The following ANK3 variants were observed in gnomAD, a reference collection of about 807,000 sequenced individuals.
ANK3 encodes the protein ankyrin 3, also known as ankyrin-3.
In ANK3, 57 loss-of-function variants were observed where a neutral mutation model predicts 370.9. The observed-to-expected ratio is 0.15, with a 90% CI of 0.12 to 0.19. The LOEUF (loss-of-function observed/expected upper bound fraction) is 0.19, where lower values mean the gene tolerates loss of function less well. Among genes scored for constraint, ANK3 ranks in the 10% least tolerant of loss-of-function variants. The probability of loss-of-function intolerance (pLI) is 1.00; values close to 1 mark genes in which losing one functional copy is unlikely to be tolerated. For synonymous variants in ANK3, 1,929 were observed against 1,946.3 expected (o/e 0.99, Z 0.23); for missense variants, 4,439 against 5,302.1 (o/e 0.84, Z 5.06).
At position 60,186,736 on chromosome 10, in the gene ANK3, C is replaced by T. The variant is rs747632521; in HGVS notation, c.2064G>A (p.Ala688=). The T allele has an allele frequency of 1.1e-5, 18 of 1,613,876 alleles. No homozygotes were observed. The highest frequency in any genetic ancestry group is 1.6e-4 in the Middle Eastern group (1 of 6,080). ...TTACCTTATTGCTCAGGTTCACATT[C>T]GCATTTCTACCGAGGAGCAGCGACA... ...DMVSLLLGRN[A]NVNLSNKSGL... Residue 688 remains alanine, a synonymous_variant, in exon 17 of 44, where the codon GCG becomes GCA. Transcript: ENST00000280772.
At chr10:60,636,854 A>G (rs1346250934) in intron 1 of ANK3, among the ~76,000 whole-genome samples, 1 of 152,254 alleles carries the variant, frequency 6.6e-6, no homozygotes, top group Non-Finnish European at 1.5e-5. Context: ...TGTAAGAAGT[A>G]AGAAAAACAA....
chr10:60,428,964 A>G (rs2063951581), intron 2 of ANK3, among the ~76,000 whole-genome samples: 1 of 152,182 alleles, frequency 6.6e-6, no homozygotes. Context: ...AGGGCTGCTT[A>G]TTTTAAATGT....
In ANK3 at chr10:60,084,610, C is replaced by T; in HGVS notation, c.4066G>A (p.Asp1356Asn). Residue 1356 changes from aspartate to asparagine, a missense_variant, in exon 32 of 44, where the codon GAT becomes AAT. Physicochemically the swap from Asp to Asn is conservative, Grantham distance 23. Transcript: ENST00000280772. ...TTTTGTGAACAAGGTACCTCAATAT[C>T]TTTGCTTCTTGCGACTTCCTCAAAA... ...ENFEEVARSK[D>N]IEVLEGKPIY... 1 of 1,613,636 alleles carries T rather than the reference C, an allele frequency of 6.2e-7. No homozygotes were observed. Among genetic ancestry groups the T allele is most frequent in the Non-Finnish European group, 8.5e-7 (1 of 1,179,742 alleles).
At chr10:60,308,427 C>T (rs2045645749) in intron 1 of ANK3, among the ~76,000 whole-genome samples, 1 of 151,516 alleles carries the variant, frequency 6.6e-6, no homozygotes, top group Non-Finnish European at 1.5e-5. Context: ...AGGCGTGCAC[C>T]AGCACGCCTG....
intron 2 of ANK3, among the ~76,000 whole-genome samples, chr10:60,399,252 A>C (rs1421216232): frequency 6.6e-6 from 1 of 152,204 alleles, no homozygotes. Context: ...TTATCTGGCC[A>C]TTAAAGATGT....
chr10:60,611,059 T>C (rs1003231965), intron 2 of ANK3, among the ~76,000 whole-genome samples: 1 of 152,210 alleles, frequency 6.6e-6, no homozygotes, highest in African/African-American at 2.4e-5. Flanking sequence ...ATGAGTAAAT[T>C]ATATACTTTT....
intron 2 of ANK3, among the ~76,000 whole-genome samples, chr10:60,541,275 G>A (rs761911191): frequency 6.6e-6 from 1 of 151,754 alleles, no homozygotes; most frequent in Non-Finnish European, 1.5e-5. Flanking sequence ...TGATTAAAGC[G>A]GGATTTTCAT....
chr10:60,458,510 GT>G (rs1324954650), intron 2 of ANK3, among the ~76,000 whole-genome samples: 1 of 152,108 alleles, frequency 6.6e-6, no homozygotes, highest in African/African-American at 2.4e-5. Context: ...ATATACAATG[GT>G]TGTATGTAGT....
At chr10:60,082,772 G>T (rs1352134874) in intron 33 of ANK3, 35 bp from the exon 34 acceptor site, 1 of 1,597,174 alleles carries the variant, frequency 6.3e-7, no homozygotes, top group Non-Finnish European at 8.5e-7. Context: ...GTTATAGAAT[G>T]AGACTTATCT....
At chr10:60,554,294 T>C (rs1219683575) in intron 2 of ANK3, among the ~76,000 whole-genome samples, 2 of 152,142 alleles carry the variant, frequency 1.3e-5, no homozygotes, top group Non-Finnish European at 2.9e-5. Flanking sequence ...CCCATGAGAC[T>C]GTAATCTCCC....
chr10:60,553,054 A>G (rs1316298980), intron 2 of ANK3, among the ~76,000 whole-genome samples: 1 of 152,174 alleles, frequency 6.6e-6, no homozygotes, highest in Non-Finnish European at 1.5e-5. Context: ...AAAATTGCCT[A>G]GTCTCAGCTA....
chr10:60,433,908 T>C (rs547955694), intron 2 of ANK3, among the ~76,000 whole-genome samples: 1 of 152,344 alleles, frequency 6.6e-6, no homozygotes, highest in East Asian at 1.9e-4. Flanking sequence ...AGAATAACTC[T>C]GAAATCTCTT....
chr10:60,330,654 T>C (rs2051023189), intron 1 of ANK3, among the ~76,000 whole-genome samples: 1 of 152,206 alleles, frequency 6.6e-6, no homozygotes, highest in Non-Finnish European at 1.5e-5. Flanking sequence ...AGGAACACTT[T>C]TACACTGTTG....
rs1456869387 is a variant in ANK3 at position 60,225,305 on chromosome 10, G to A, written c.897+9383C>T. Among the ~76,000 whole-genome samples, 4 of 152,160 alleles carry A rather than the reference G, an allele frequency of 2.6e-5. No individual in the cohort carries two copies. In the East Asian group the frequency reaches 7.7e-4, roughly 29 times the overall value. On this transcript the variant is annotated intron_variant, in intron 8 of 43. Coordinates refer to ENST00000280772, the MANE Select transcript of ANK3 (RefSeq NM_020987.5). The stretch of plus-strand genomic sequence containing the variant: ...GGCAGTTATCGAGATAGCCTAAGAG[G>A]TGAAATAAAATTTTTTGAATGTCCT...
At chr10:60,279,306 T>C (rs1278835714) in intron 2 of ANK3, among the ~76,000 whole-genome samples, 158 bp from the exon 3 acceptor site, 1 of 152,198 alleles carries the variant, frequency 6.6e-6, no homozygotes, top group Non-Finnish European at 1.5e-5. Flanking sequence ...TCAAAGTACT[T>C]CAAAACTGGA....
At chr10:60,407,310 T>A (rs1176283196) in intron 2 of ANK3, among the ~76,000 whole-genome samples, 1 of 152,220 alleles carries the variant, frequency 6.6e-6, no homozygotes, top group African/African-American at 2.4e-5. Flanking sequence ...CTGGCCTCTG[T>A]CCAAATACCT....
chr10:60,201,319 A>T (rs141524232), intron 12 of ANK3, among the ~76,000 whole-genome samples: 1 of 152,076 alleles, frequency 6.6e-6, no homozygotes, highest in South Asian at 2.1e-4. Context: ...TGGAAGATGC[A>T]CTCTTACTGG....
chr10:60,553,025 A>C (rs958406869), intron 2 of ANK3, among the ~76,000 whole-genome samples: 21 of 152,192 alleles, frequency 1.4e-4, no homozygotes, highest in African/African-American at 4.3e-4. Context: ...GTGTAAGTCT[A>C]ATGAACTTCT....
chr10:60,615,198 T>C, exon 2 of ANK3: 1 of 1,518,006 alleles, frequency 6.6e-7, no homozygotes, highest in Non-Finnish European at 8.8e-7. Context: ...TTCTAGAGCT[T>C]CGTGAATAAT....
Sources: allele counts gnomAD v4.1 joint callset (sites outside exome capture counted in the v4.1 genomes callset), GRCh38; gene constraint gnomAD v4.1.1; transcripts MANE v1.5; gene names NCBI Gene and HGNC (gene_info 2026-07-23, HGNC 2026-07-21).